Variants in NKAIN2 observed in about 807,000 individuals in gnomAD.
NKAIN2 encodes the protein sodium/potassium-transporting ATPase subunit beta-1-interacting protein 2.
A neutral mutation model predicts 32.6 loss-of-function variants in NKAIN2; 14 were observed. The ratio of observed to expected loss-of-function variants is 0.43; its 90% CI spans 0.28 to 0.67. The LOEUF (loss-of-function observed/expected upper bound fraction) is 0.67. Ranked by LOEUF, NKAIN2 falls within the 30% of genes least tolerant of loss-of-function variation. The pLI is 0.17. For synonymous variants in NKAIN2, 80 were observed against 87.2 expected (o/e 0.92, Z 0.46); for missense variants, 198 against 258.3 (o/e 0.77, Z 1.60).
intron 1 of NKAIN2, among the ~76,000 whole-genome samples, chr6:124,209,206 G>A (rs143888487): frequency 2.0e-5 from 3 of 151,864 alleles, no homozygotes; most frequent in Non-Finnish European, 2.9e-5. Flanking sequence ...CCACATGTGA[G>A]TGAGAAAATG....
chr6:124,045,644 T>C (rs1247234872), intron 1 of NKAIN2, among the ~76,000 whole-genome samples: 1 of 151,988 alleles, frequency 6.6e-6, no homozygotes, highest in African/African-American at 2.4e-5. Context: ...TTTGTCTGCA[T>C]TGAAAGATTA....
At chr6:124,764,295 A>C (rs890431624) in intron 4 of NKAIN2, among the ~76,000 whole-genome samples, 3 of 152,180 alleles carry the variant, frequency 2.0e-5, no homozygotes, top group African/African-American at 7.2e-5. Flanking sequence ...AAAGTTTTTT[A>C]ATGCTTATCA....
At chr6:124,355,216 T>G (rs1583110656) in intron 2 of NKAIN2, 51 bp from the exon 3 acceptor site, 1 of 1,214,378 alleles carries the variant, frequency 8.2e-7, no homozygotes, top group Non-Finnish European at 1.2e-6. Context: ...TGAATCATAC[T>G]CAACTGATTC....
intron 1 of NKAIN2, among the ~76,000 whole-genome samples, chr6:124,169,259 C>T (rs1021127902): frequency 2.6e-5 from 4 of 151,978 alleles, no homozygotes; most frequent in African/African-American, 9.7e-5. Flanking sequence ...ATTTATTTCT[C>T]TTAGATCTAA....
chr6:124,193,662 A>G (rs1790144543), intron 1 of NKAIN2, among the ~76,000 whole-genome samples: 1 of 152,116 alleles, frequency 6.6e-6, no homozygotes, highest in Non-Finnish European at 1.5e-5. Flanking sequence ...CCTGCCATTC[A>G]GTAGGTCCCG....
chr6:124,632,542 C>A (rs1024776572), intron 3 of NKAIN2, among the ~76,000 whole-genome samples: 1 of 152,104 alleles, frequency 6.6e-6, no homozygotes, highest in Non-Finnish European at 1.5e-5. Context: ...GTGAATACCC[C>A]CTCCTCTTAA....
intron 1 of NKAIN2, among the ~76,000 whole-genome samples, chr6:123,938,443 TATATATATACAC>T (rs1157929502): frequency 2.5e-5 from 1 of 39,346 alleles, no homozygotes; most frequent in African/African-American, 1.7e-4. Context: ...TATATATATA[TATATATATACAC>T]ACACACACAC....
chr6:123,911,133 C>T (rs1225274890), intron 1 of NKAIN2, among the ~76,000 whole-genome samples: 1 of 152,078 alleles, frequency 6.6e-6, no homozygotes, highest in Admixed American at 6.6e-5. Flanking sequence ...CCTCTAACTA[C>T]AAGGAATATG....
intron 1 of NKAIN2, among the ~76,000 whole-genome samples, chr6:124,085,450 G>A (rs548797250): frequency 1.6e-4 from 25 of 151,770 alleles, no homozygotes; most frequent in Non-Finnish European, 3.7e-4. Context: ...AAAGTTGGAG[G>A]ATAGGTAGGC....
intron 1 of NKAIN2, among the ~76,000 whole-genome samples, chr6:123,842,025 T>C (rs1003546104): frequency 6.6e-6 from 1 of 152,178 alleles, no homozygotes; most frequent in Admixed American, 6.5e-5. Flanking sequence ...GTGGAAAGGT[T>C]AATTAGCCCA....
intron 5 of NKAIN2, among the ~76,000 whole-genome samples, chr6:124,805,452 TAACA>T (rs1345241553): frequency 3.3e-5 from 5 of 152,050 alleles, no homozygotes; most frequent in Admixed American, 2.0e-4. Context: ...GAAGGAAAAC[TAACA>T]AACAGAAAGG....
chr6:124,111,858 G>A (rs575357819), intron 1 of NKAIN2, among the ~76,000 whole-genome samples: 4 of 151,880 alleles, frequency 2.6e-5, no homozygotes, highest in African/African-American at 9.6e-5. Flanking sequence ...GTATGTGTGT[G>A]TGTGTGGTTA....
intron 1 of NKAIN2, among the ~76,000 whole-genome samples, chr6:124,019,671 A>T (rs975807082): frequency 2.6e-5 from 4 of 152,200 alleles, no homozygotes; most frequent in Admixed American, 2.6e-4. Context: ...AATATTTTAT[A>T]TCCCTTTCAA....
chr6:124,635,718 G>T (rs1185661482), intron 3 of NKAIN2, among the ~76,000 whole-genome samples: 1 of 151,918 alleles, frequency 6.6e-6, no homozygotes, highest in Admixed American at 6.6e-5. Context: ...CATAATAAAG[G>T]GGTCAATTCA....
intron 3 of NKAIN2, among the ~76,000 whole-genome samples, chr6:124,375,136 A>T (rs1799927858): frequency 6.6e-6 from 1 of 151,942 alleles, no homozygotes; most frequent in Admixed American, 6.6e-5. Flanking sequence ...ACAACTCCTT[A>T]TCTTCACGTA....
At position 124,031,524 on chromosome 6, in the gene NKAIN2, C is replaced by A. The variant is rs375708246; in HGVS notation, c.54+227270C>A. Among the ~76,000 whole-genome samples, 157 of 152,250 alleles carry A rather than the reference C, an allele frequency of 1.0e-3. 2 individuals carry two copies. In the South Asian group the frequency reaches 0.031, roughly 30 times the overall value. ...GTTAGGGTGTCAATTTTAGATCTTT[C>A]CTGCTTTCTCTTGTGGACATTTAGT... On this transcript the variant is annotated intron_variant, in intron 1 of 6. Coordinates refer to ENST00000368417, the MANE Select transcript of NKAIN2 (RefSeq NM_001040214.3).
At chr6:124,355,450 A>C (rs1798927388) in intron 3 of NKAIN2, 103 bp downstream of exon 3, 1 of 663,094 alleles carries the variant, frequency 1.5e-6, no homozygotes, top group Non-Finnish European at 2.7e-6. Context: ...GCTGCACCTC[A>C]ATGAAAGTAA....
intron 3 of NKAIN2, among the ~76,000 whole-genome samples, chr6:124,435,165 T>C (rs955374405): frequency 1.3e-5 from 2 of 152,114 alleles, no homozygotes; most frequent in Non-Finnish European, 2.9e-5. Flanking sequence ...GAAATCTGGA[T>C]AACTAGAAGG....
intron 4 of NKAIN2, among the ~76,000 whole-genome samples, chr6:124,779,285 A>AGAGAGAGAGAGAGAGAGGG (rs1779138164): frequency 1.3e-5 from 1 of 75,350 alleles, no homozygotes; most frequent in African/African-American, 5.3e-5. Flanking sequence ...GAGAGAGAGG[A>AGAGAGAGAGAGAGAGAGGG]AGGCAGGAAG....
Sources: allele counts gnomAD v4.1 joint callset (sites outside exome capture counted in the v4.1 genomes callset), GRCh38; gene constraint gnomAD v4.1.1; transcripts MANE v1.5; gene names NCBI Gene and HGNC (gene_info 2026-07-23, HGNC 2026-07-21).